Variants in FBXO2 observed in about 807,000 individuals in gnomAD.
The protein encoded by FBXO2 is F-box protein 2, also known as F-box only protein 2.
A neutral mutation model predicts 38.6 loss-of-function variants in FBXO2; 32 were observed. The ratio of observed to expected loss-of-function variants is 0.83; its 90% CI spans 0.62 to 1.11. The LOEUF is 1.11. FBXO2 is among the 50% of genes most tolerant of loss of function. The probability of loss-of-function intolerance (pLI) is 0.00; values close to 1 mark genes in which losing one functional copy is unlikely to be tolerated. For missense variants in FBXO2, 450 were observed against 418.3 expected (o/e 1.08, Z -0.66); for synonymous variants, 189 against 182.9 (o/e 1.03, Z -0.27).
intron 1 of FBXO2, chr1:11,654,095 C>T: frequency 2.2e-6 from 1 of 459,428 alleles, no homozygotes; most frequent in Non-Finnish European, 3.8e-6. Flanking sequence ...TAAATGGGAC[C>T]CAGGAGTTCT....
chr1:11,649,154 A>ACGT lies in FBXO2; in HGVS notation c.686_688dup (p.Asn229_Val230insAsp). The ACGT allele has an allele frequency of 6.3e-7, 1 of 1,583,746 alleles. No individual in the cohort carries two copies. The highest frequency in any genetic ancestry group is 8.6e-7 in the Non-Finnish European group (1 of 1,165,464). ...CTGCCCGCTGCTGAACTCAGCCAGC[A>ACGT]CGTTCTCGTGCTCGGACAGTAGCTT... is the stretch of plus-strand genomic sequence containing the variant. On this transcript the variant is annotated inframe_insertion, in exon 5 of 6. Transcript: ENST00000354287.
In FBXO2 at chr1:11,650,831, C is replaced by A; in HGVS notation, c.26G>T (p.Ser9Ile). 3 of 1,553,526 alleles carry A rather than the reference C, an allele frequency of 1.9e-6. No homozygotes were observed. Among genetic ancestry groups the A allele is most frequent in the Non-Finnish European group, 2.6e-6 (3 of 1,155,576 alleles). Residue 9 changes from serine (S) to isoleucine (I), a missense_variant, in exon 2 of 6, where the codon AGC (serine) becomes ATC (isoleucine). Coordinates refer to ENST00000354287, the MANE Select transcript of FBXO2 (RefSeq NM_012168.6). ...GCTTGCCTCCTCGGGCTGGCCCACGCTCTCTGCAGGCAGGGATGGGTGGGA... is the reference window on the plus strand; with the variant it reads ...GCTTGCCTCCTCGGGCTGGCCCACGATCTCTGCAGGCAGGGATGGGTGGGA... MDGDGDPE[S>I]VGQPEEASPE...
At chr1:11,649,683 G>A (rs1639479607) in intron 4 of FBXO2, 96 bp downstream of exon 4, 3 of 1,320,488 alleles carry the variant, frequency 2.3e-6, no homozygotes, top group South Asian at 2.6e-5. Flanking sequence ...CCTGCAGTGG[G>A]GAGGCAGCAC....
At chr1:11,651,846 T>C (rs1244807159) in intron 1 of FBXO2, among the ~76,000 whole-genome samples, 1 of 152,076 alleles carries the variant, frequency 6.6e-6, no homozygotes, top group Admixed American at 6.5e-5. Flanking sequence ...ATGACAGGCA[T>C]GTGCCACCAC....
At chr1:11,649,333 G>T (rs951473715) in intron 4 of FBXO2, 108 bp from the exon 5 acceptor site, 3 of 956,044 alleles carry the variant, frequency 3.1e-6, no homozygotes, top group Non-Finnish European at 4.7e-6. Context: ...AAGTCCTCCT[G>T]TGCGCCCAAC....
chr1:11,651,514 C>G (rs182883936), intron 1 of FBXO2, among the ~76,000 whole-genome samples: 59 of 152,264 alleles, frequency 3.9e-4, no homozygotes, highest in African/African-American at 1.3e-3. Context: ...TGAGGTTGCT[C>G]TTATTGCTGT....
intron 4 of FBXO2, chr1:11,649,437 G>C: frequency 1.7e-6 from 1 of 604,810 alleles, no homozygotes; most frequent in Non-Finnish European, 2.9e-6. Context: ...CGAAACACGA[G>C]GACTACATTC....
intron 1 of FBXO2, among the ~76,000 whole-genome samples, chr1:11,651,636 G>A (rs1177038836): frequency 6.6e-6 from 1 of 152,092 alleles, no homozygotes; most frequent in Admixed American, 6.6e-5. Flanking sequence ...TGGCTCCAGA[G>A]CCATCTTAAA....
At chr1:11,652,984 G>C (rs905257021) in intron 1 of FBXO2, among the ~76,000 whole-genome samples, 17 of 152,188 alleles carry the variant, frequency 1.1e-4, no homozygotes, top group African/African-American at 4.1e-4. Context: ...TTATGATGTG[G>C]GGATTTACAC....
intron 4 of FBXO2, 40 bp from the exon 5 acceptor site, chr1:11,649,265 G>A: frequency 1.9e-6 from 2 of 1,068,866 alleles, no homozygotes; most frequent in Non-Finnish European, 2.7e-6. Context: ...GCGGGAGGTG[G>A]GGTGGGGGCA....
chr1:11,652,677 TCA>T (rs1639546063), intron 1 of FBXO2, among the ~76,000 whole-genome samples: 1 of 152,152 alleles, frequency 6.6e-6, no homozygotes, highest in Non-Finnish European at 1.5e-5. Flanking sequence ...ACTACAGCTC[TCA>T]GACCTACGGA....
At chr1:11,654,227 TC>T in intron 1 of FBXO2, 91 bp downstream of exon 1, 1 of 1,360,650 alleles carries the variant, frequency 7.3e-7, no homozygotes, top group Admixed American at 2.8e-5. Context: ...GGTCTCCGGG[TC>T]CCCTCGCTCT....
At position 11,648,831 on chromosome 1, in the gene FBXO2, G is replaced by A. The variant is rs745629820; in HGVS notation, c.757-3C>T. The A allele has an allele frequency of 1.2e-6, 2 of 1,613,386 alleles. No homozygotes were observed. The highest frequency in any genetic ancestry group is 1.7e-6 in the Non-Finnish European group (2 of 1,179,956). On this transcript the variant is annotated splice_region_variant and splice_polypyrimidine_tract_variant and intron_variant, in intron 5 of 5. Transcript: ENST00000354287. The surrounding 1 kb of genome is among the most constrained non-coding windows in gnomAD (Gnocchi z 4.2). ...TAGTCGGTGAAGGTGTGGGAGATCTGGGGGTGGAGGTAACAAGAGTCAGCC... is the reference window on the plus strand; with the variant it reads ...TAGTCGGTGAAGGTGTGGGAGATCTAGGGGTGGAGGTAACAAGAGTCAGCC...
rs373629315 is a variant in FBXO2 at position 11,649,881 on chromosome 1, G to C, written c.522-7C>G. ...CTGTGCTTTGCGACACCACCTGGGA[G>C]AACTGGAGTTAGGACAGAGCGAACG... On this transcript the variant is annotated splice_region_variant and splice_polypyrimidine_tract_variant and intron_variant, in intron 3 of 5. Transcript: ENST00000354287. The C allele has an allele frequency of 1.1e-4, 179 of 1,614,040 alleles. No individual in the cohort carries two copies. In the African/African-American group the frequency reaches 1.6e-3, roughly 15 times the overall value.
At chr1:11,652,066 C>T (rs1639530878) in intron 1 of FBXO2, among the ~76,000 whole-genome samples, 1 of 152,218 alleles carries the variant, frequency 6.6e-6, no homozygotes, top group Non-Finnish European at 1.5e-5. Flanking sequence ...TGGACTCAAG[C>T]AATCTTCCTG....
chr1:11,649,066 C>A, intron 5 of FBXO2, 21 bp downstream of exon 5: 1 of 1,578,678 alleles, frequency 6.3e-7, no homozygotes, highest in Non-Finnish European at 8.6e-7. Context: ...CACCCCTCCG[C>A]CCTGGGTCCC....
chr1:11,649,432 C>T, intron 4 of FBXO2: 1 of 605,902 alleles, frequency 1.7e-6, no homozygotes, highest in Non-Finnish European at 2.9e-6. Flanking sequence ...ACGAGCGAAA[C>T]ACGAGGACTA....
At chr1:11,649,009 C>T (rs966289844) in intron 5 of FBXO2, 78 bp downstream of exon 5, 120 of 956,896 alleles carry the variant, frequency 1.3e-4, no homozygotes, top group Non-Finnish European at 1.7e-4. Flanking sequence ...AGCCCAGGAG[C>T]GCTGTGGGCG....
At position 11,649,936 on chromosome 1, in the gene FBXO2, T is replaced by C. The variant is rs901745693; in HGVS notation, c.521+9A>G. 6.2e-7 allele frequency: 1 copy of C among 1,613,856 alleles called. No homozygotes were observed. Among genetic ancestry groups the C allele is most frequent in the Admixed American group, 1.7e-5 (1 of 60,022 alleles). ...CCCCTTCCCACCTCCTCCACCCCCT[T>C]CTCCTTACTCAAAGGAGGAGGCGAA... On this transcript the variant is annotated intron_variant, in intron 3 of 5. Transcript: ENST00000354287.
Sources: gnomAD v4.1 joint callset for allele counts (sites outside exome capture counted in the v4.1 genomes callset) on GRCh38, gnomAD v4.1.1 for gene constraint, Gnocchi (gnomAD v3.1) non-coding constraint, MANE v1.5 for transcripts, NCBI Gene and HGNC (gene_info 2026-07-23, HGNC 2026-07-21) for gene names.